Variants in PCSK7 observed in about 807,000 individuals in gnomAD.
The protein encoded by PCSK7 is proprotein convertase subtilisin/kexin type 7, also known as lymphoma proprotein convertase.
PCSK7 carries 38 observed loss-of-function variants against 73.3 expected under a neutral mutation model. That is an observed-to-expected ratio of 0.52 (90% CI 0.40 to 0.68). The LOEUF (loss-of-function observed/expected upper bound fraction) is 0.68, where lower values mean the gene tolerates loss of function less well. Ranked by LOEUF, PCSK7 falls within the 30% of genes least tolerant of loss-of-function variation. The pLI is 0.00. For missense variants in PCSK7, 692 were observed against 991.5 expected (o/e 0.70, Z 4.06); for synonymous variants, 296 against 383.8 (o/e 0.77, Z 2.68).
chr11:117,225,724 G>A (rs2032395943), intron 6 of PCSK7: 1 of 601,696 alleles, frequency 1.7e-6, no homozygotes, highest in Non-Finnish European at 3.0e-6. Flanking sequence ...CTTCTCATGT[G>A]GCAATCTGAT....
At chr11:117,219,959 T>A (rs1412225868) in intron 9 of PCSK7, 2 of 443,930 alleles carry the variant, frequency 4.5e-6, no homozygotes, top group Non-Finnish European at 4.0e-6. Flanking sequence ...GAATATTTTT[T>A]AAAAAAGAAG....
rs1555044313 is a variant in PCSK7 at position 117,215,396 on chromosome 11, A to ATATATATATG, written c.1534+3069_1534+3070insCATATATATA. On this transcript the variant is annotated intron_variant, in intron 12 of 16. Coordinates refer to ENST00000320934, the MANE Select transcript of PCSK7 (RefSeq NM_004716.4). ...TGTGTGTGTGTATATATATATATAT[A>ATATATATATG]TATATATATACTTTTTTTTTTTGAG... The ATATATATATG allele has an allele frequency of 8.2e-4, 50 of 60,872 alleles. 1 individual carries two copies. Among genetic ancestry groups the ATATATATATG allele is most frequent in the African/African-American group, 6.7e-3 (48 of 7,136 alleles). 3.8% of individuals were successfully genotyped at this position (60,872 alleles called of 1,614,324 possible).
At chr11:117,219,910 G>T in intron 9 of PCSK7, 152 bp from the exon 10 acceptor site, 1 of 519,160 alleles carries the variant, frequency 1.9e-6, no homozygotes, top group Non-Finnish European at 3.4e-6. Flanking sequence ...CTCCAGCCTA[G>T]GTGGCTGAGT....
At chr11:117,231,495 G>C (rs1289094205) in intron 1 of PCSK7, among the ~76,000 whole-genome samples, 5 of 152,140 alleles carry the variant, frequency 3.3e-5, no homozygotes, top group Non-Finnish European at 7.4e-5. Flanking sequence ...GCCCCGCTAG[G>C]CAGACTCCTT....
chr11:117,223,486 A>G (rs545791233), intron 8 of PCSK7, 178 bp from the exon 9 acceptor site: 2 of 591,028 alleles, frequency 3.4e-6, no homozygotes, highest in East Asian at 5.6e-5. Context: ...AGGCAGTCTC[A>G]AGTGGCAGAG....
intron 12 of PCSK7, chr11:117,215,364 T>TTTTTTTTTGTGTGTG (rs57433360): frequency 1.2e-5 from 1 of 84,920 alleles, no homozygotes; most frequent in Non-Finnish European, 2.0e-5. Flanking sequence ...CCTGGCTAAT[T>TTTTTTTTTGTGTGTG]TGTGTGTGTG....
intron 10 of PCSK7, 135 bp downstream of exon 10, chr11:117,219,456 C>T: frequency 2.3e-6 from 2 of 859,976 alleles, no homozygotes; most frequent in Non-Finnish European, 3.6e-6. Context: ...CTGTTCTTTA[C>T]ATATGCAACT....
At chr11:117,229,884 G>A (rs780332633) in intron 2 of PCSK7, 28 bp from the exon 3 acceptor site, 1 of 1,296,582 alleles carries the variant, frequency 7.7e-7, no homozygotes, top group Non-Finnish European at 1.0e-6. Context: ...GGATATGGAA[G>A]AGATCAAAGA....
rs1176252930 is a variant in PCSK7 at position 117,228,233 on chromosome 11, C to T, written c.586G>A (p.Asp196Asn). Residue 196 changes from aspartate to asparagine, a missense_variant, in exon 4 of 17, where the codon GAC (aspartate) becomes AAC (asparagine). Physicochemically the swap from Asp to Asn is conservative, Grantham distance 23 (BLOSUM62 1). This residue lies in a region of PCSK7 where 574 missense variants were observed against 689.8 expected (regional missense o/e 0.83). Transcript: ENST00000320934. ...CCACTCACATAGTTGGGTGCAATGT[C>T]CTGGATGGTGTGTTCCACTCCGTCA... ...VDDGVEHTIQ[D>N]IAPNYSPEGS... 1.9e-6 allele frequency: 3 copies of T among 1,613,452 alleles called. No homozygotes were observed. Among genetic ancestry groups the T allele is most frequent in the Non-Finnish European group, 2.5e-6 (3 of 1,179,728 alleles).
At chr11:117,228,185 G>C (rs756512344) in intron 4 of PCSK7, 31 bp downstream of exon 4, 1 of 1,607,276 alleles carries the variant, frequency 6.2e-7, no homozygotes, top group African/African-American at 1.3e-5. Flanking sequence ...AAGACGTGGG[G>C]AGTGAGGGGT....
chr11:117,225,000 C>T (rs2032359543), intron 6 of PCSK7: 2 of 476,820 alleles, frequency 4.2e-6, no homozygotes, highest in Non-Finnish European at 7.7e-6. Context: ...CCCATAGTGG[C>T]AGAGAGGGAC....
chr11:117,214,814 T>G (rs1047136600), intron 12 of PCSK7: 1 of 152,246 alleles, frequency 6.6e-6, no homozygotes, highest in Non-Finnish European at 1.5e-5. Flanking sequence ...AGGGAAGACC[T>G]GGAGAGGAGA....
intron 9 of PCSK7, 146 bp downstream of exon 9, chr11:117,223,062 A>G: frequency 1.5e-6 from 1 of 650,580 alleles, no homozygotes; most frequent in Non-Finnish European, 2.8e-6. Context: ...CAAGGGTGGC[A>G]TGCCTTAAGA....
At chr11:117,222,425 T>C (rs1461791358) in intron 9 of PCSK7, 1 of 152,124 alleles carries the variant, frequency 6.6e-6, no homozygotes, top group Non-Finnish European at 1.5e-5. Flanking sequence ...CTCTTCCCAC[T>C]CATCCCATAA....
intron 8 of PCSK7, 137 bp downstream of exon 8, chr11:117,223,941 C>T (rs1045100384): frequency 2.3e-6 from 2 of 860,892 alleles, no homozygotes; most frequent in African/African-American, 1.7e-5. Context: ...CCTCTGCAAG[C>T]AGGGCTAGTC....
At chr11:117,224,811 C>T in intron 6 of PCSK7, 56 bp from the exon 7 acceptor site, 3 of 1,260,982 alleles carry the variant, frequency 2.4e-6, no homozygotes, top group Non-Finnish European at 3.5e-6. Flanking sequence ...CGGCTACCCA[C>T]CCAGCGCCTC....
intron 9 of PCSK7, 78 bp downstream of exon 9, chr11:117,223,129 AG>A: frequency 1.2e-6 from 1 of 864,206 alleles, no homozygotes; most frequent in East Asian, 2.4e-5. Flanking sequence ...AGCAGGGAAC[AG>A]TGAGAAGCGC....
At chr11:117,213,762 C>T (rs1565306379) in intron 12 of PCSK7, 1 of 152,088 alleles carries the variant, frequency 6.6e-6, no homozygotes, top group Non-Finnish European at 1.5e-5. Flanking sequence ...CAAATGAGTA[C>T]ACTAGAACTC....
chr11:117,226,160 TAA>T (rs2032418609), intron 5 of PCSK7, 139 bp from the exon 6 acceptor site: 3 of 618,764 alleles, frequency 4.8e-6, no homozygotes. Context: ...TTTTTTGAGA[TAA>T]AGTCTTACTT....
Sources: gnomAD v4.1 joint callset for allele counts (sites outside exome capture counted in the v4.1 genomes callset) on GRCh38, gnomAD v4.1.1 for gene constraint, gnomAD v4.1.1 regional missense constraint, MANE v1.5 for transcripts, NCBI Gene and HGNC (gene_info 2026-07-23, HGNC 2026-07-21) for gene names.